The following ZNF488 variants were observed in gnomAD, a reference collection of about 807,000 sequenced individuals.
ZNF488 encodes zinc finger protein 488.
Under a neutral mutation model 1.2 loss-of-function variants are expected in ZNF488, and 1 was observed. The observed-to-expected ratio is 0.86, with a 90% CI of 0.30 to 4.07. The LOEUF is 4.07. ZNF488 is among the 30% of genes most tolerant of loss of function. The pLI is 0.18. For synonymous variants in ZNF488, 185 were observed against 190.1 expected (o/e 0.97, Z 0.22); for missense variants, 450 against 437.9 (o/e 1.03, Z -0.25).
rs1837283224 is a variant in ZNF488, at chr10:47,367,986, G to C, written c.844C>G (p.Leu282Val). The change falls in exon 2 of 2, where the codon CTG (leucine) becomes GTG (valine). Residue 282 changes from leucine (L) to valine (V), a missense_variant. Physicochemically the swap from Leu to Val is conservative, Grantham distance 32. Coordinates refer to ENST00000585316, the MANE Select transcript of ZNF488 (RefSeq NM_153034.4). Reference sequence around the variant, plus strand: ...AGGTCGGACGTTAGGCGAAAGGACAGGTTGCACTTTGCACACCAGTTCTGG... The same window carrying C: ...AGGTCGGACGTTAGGCGAAAGGACACGTTGCACTTTGCACACCAGTTCTGG... ...STQNWCAKCNLSFRLTSDLVF... is the reference protein window; with the variant it reads ...STQNWCAKCNVSFRLTSDLVF... 2 of 1,614,066 alleles carry C rather than the reference G, an allele frequency of 1.2e-6. No homozygotes were observed. The highest frequency in any genetic ancestry group is 1.1e-5 in the South Asian group (1 of 91,084).
chr10:47,382,705 T>A (rs1197652788), intron 1 of ZNF488, among the ~76,000 whole-genome samples: 3 of 152,210 alleles, frequency 2.0e-5, no homozygotes, highest in African/African-American at 7.2e-5. Context: ...ATATGCAAAT[T>A]CTTTCACTGA....
intron 1 of ZNF488, among the ~76,000 whole-genome samples, chr10:47,375,516 A>C (rs1232071629): frequency 6.6e-6 from 1 of 152,210 alleles, no homozygotes. Context: ...ATGGAAAAAA[A>C]TTGTCAATAA....
At chr10:47,372,819 C>G (rs925586452) in intron 1 of ZNF488, among the ~76,000 whole-genome samples, 4 of 152,328 alleles carry the variant, frequency 2.6e-5, no homozygotes, top group South Asian at 4.1e-4. Flanking sequence ...TGAGATGCCA[C>G]GCACCTGGCC....
At chr10:47,375,846 G>T (rs1837657605) in intron 1 of ZNF488, among the ~76,000 whole-genome samples, 1 of 152,162 alleles carries the variant, frequency 6.6e-6, no homozygotes, top group Admixed American at 6.5e-5. Context: ...TAATCAGAGA[G>T]ACCCTCCTGG....
At chr10:47,371,117 T>A (rs1837451789) in intron 1 of ZNF488, among the ~76,000 whole-genome samples, 1 of 152,156 alleles carries the variant, frequency 6.6e-6, no homozygotes, top group Non-Finnish European at 1.5e-5. Context: ...GAAGCTTGCA[T>A]GGGGCCTGTG....
At chr10:47,382,710 C>A (rs1264658895) in intron 1 of ZNF488, among the ~76,000 whole-genome samples, 3 of 152,202 alleles carry the variant, frequency 2.0e-5, no homozygotes, top group African/African-American at 7.2e-5. Flanking sequence ...CAAATTCTTT[C>A]ACTGAACACA....
At chr10:47,384,105 A>G (rs1555215864) in intron 1 of ZNF488, 115 bp downstream of exon 1, 1 of 152,502 alleles carries the variant, frequency 6.6e-6, no homozygotes, top group African/African-American at 2.4e-5. Flanking sequence ...CCCCACAGTC[A>G]AAGGCAGGAC....
chr10:47,381,232 CCCCA>C (rs1555215336), intron 1 of ZNF488, among the ~76,000 whole-genome samples: 1 of 152,176 alleles, frequency 6.6e-6, no homozygotes, highest in Non-Finnish European at 1.5e-5. Flanking sequence ...CACCATGTAC[CCCCA>C]CCCGCTCCCC....
chr10:47,376,230 T>C (rs1205480645), intron 1 of ZNF488, among the ~76,000 whole-genome samples: 1 of 152,120 alleles, frequency 6.6e-6, no homozygotes, highest in Non-Finnish European at 1.5e-5. Flanking sequence ...CTGAGGAATG[T>C]CCCATTGAGG....
chr10:47,368,686 C>T lies in ZNF488; in HGVS notation c.144G>A (p.Val48=). 1 of 1,612,638 alleles carries T rather than the reference C, an allele frequency of 6.2e-7. No homozygotes were observed. Among genetic ancestry groups the T allele is most frequent in the South Asian group, 1.1e-5 (1 of 91,080 alleles). ...EPELGRGCKP[V]LLEKTNRLGP... ...CCAGGCGGTTCGTCTTCTCGAGCAG[C>T]ACTGGCTTGCAGCCCCGGCCCAGCT... The change falls in exon 2 of 2, where the codon GTG becomes GTA. Residue 48 remains valine, a synonymous_variant. Coordinates refer to ENST00000585316, the MANE Select transcript of ZNF488 (RefSeq NM_153034.4).
At position 47,367,730 on chromosome 10, in the gene ZNF488, C is replaced by A. The variant is rs1555213013; in HGVS notation, c.*77G>T. ...GCTCTGCAAAGGACCATGACAGCCC[C>A]CTCAACGCAGGCCCAGGGAGCCCCC... On this transcript the variant is annotated 3_prime_UTR_variant, in exon 2 of 2. Coordinates refer to ENST00000585316, the MANE Select transcript of ZNF488 (RefSeq NM_153034.4). 6.0e-6 allele frequency: 9 copies of A among 1,500,144 alleles called. No homozygotes were observed. The highest frequency in any genetic ancestry group is 1.4e-5 in the African/African-American group (1 of 71,494). 92.9% of individuals were successfully genotyped at this position (1,500,144 alleles called of 1,614,324 possible).
chr10:47,373,275 C>T (rs1322984993), intron 1 of ZNF488, among the ~76,000 whole-genome samples: 2 of 152,158 alleles, frequency 1.3e-5, no homozygotes, highest in African/African-American at 2.4e-5. Context: ...GTAATTACAA[C>T]AAAAATGTCC....
At chr10:47,372,770 A>G (rs782074608) in intron 1 of ZNF488, among the ~76,000 whole-genome samples, 3 of 152,208 alleles carry the variant, frequency 2.0e-5, no homozygotes, top group Non-Finnish European at 4.4e-5. Context: ...CAAAGACATC[A>G]GGAGAGCACC....
At chr10:47,376,647 C>T (rs1398057639) in intron 1 of ZNF488, among the ~76,000 whole-genome samples, 1 of 152,162 alleles carries the variant, frequency 6.6e-6, no homozygotes. Flanking sequence ...TCTCCCCCAG[C>T]CCTAGCACAA....
In ZNF488 at chr10:47,367,488, G is replaced by T. The variant is rs1301616276; in HGVS notation, c.*319C>A. 5.2e-6 allele frequency: 2 copies of T among 383,156 alleles called. No homozygotes were observed. The highest frequency in any genetic ancestry group is 4.9e-6 in the Non-Finnish European group (1 of 204,850). The allele number at this position is 383,156 out of a possible 1,614,324, so 23.7% of individuals were successfully genotyped here. On this transcript the variant is annotated 3_prime_UTR_variant, in exon 2 of 2. Transcript: ENST00000585316. ...TTGTCCAGGGTCACAGCTAGTATGTGAAAGAGCCCAGATTCGAATCCAGGC... is the reference window on the plus strand; with the variant it reads ...TTGTCCAGGGTCACAGCTAGTATGTTAAAGAGCCCAGATTCGAATCCAGGC...
At chr10:47,383,672 T>C (rs972925684) in intron 1 of ZNF488, among the ~76,000 whole-genome samples, 5 of 152,234 alleles carry the variant, frequency 3.3e-5, no homozygotes, top group Non-Finnish European at 7.3e-5. Flanking sequence ...ACAGGATACA[T>C]GTCCAGATCT....
intron 1 of ZNF488, among the ~76,000 whole-genome samples, chr10:47,371,844 G>A (rs1245293860): frequency 6.6e-6 from 1 of 152,090 alleles, no homozygotes; most frequent in African/African-American, 2.4e-5. Context: ...GGAGTGCTCT[G>A]GCTGGAGTTT....
intron 1 of ZNF488, among the ~76,000 whole-genome samples, chr10:47,374,201 G>A (rs534237168): frequency 6.6e-5 from 10 of 152,300 alleles, no homozygotes; most frequent in South Asian, 2.1e-4. Flanking sequence ...ACTATAAGGC[G>A]CCGAGTGACA....
chr10:47,368,518 C>T lies in ZNF488; in HGVS notation c.312G>A (p.Glu104=). The change falls in exon 2 of 2, where the codon GAG becomes GAA. Residue 104 remains glutamate (E), a synonymous_variant. Transcript: ENST00000585316. ...CCTGCCGGTCCTTCATCCTCGGCAGCTCCGTGAAGGCGCTCTGCCTCTGCT... is the reference window on the plus strand; with the variant it reads ...CCTGCCGGTCCTTCATCCTCGGCAGTTCCGTGAAGGCGCTCTGCCTCTGCT... ...RGEQRQSAFT[E]LPRMKDRQVD... 6.2e-7 allele frequency: 1 copy of T among 1,613,738 alleles called. No individual in the cohort carries two copies. The highest frequency in any genetic ancestry group is 8.5e-7 in the Non-Finnish European group (1 of 1,179,966).
Sources: gnomAD v4.1 joint callset for allele counts (sites outside exome capture counted in the v4.1 genomes callset) on GRCh38, gnomAD v4.1.1 for gene constraint, MANE v1.5 for transcripts, NCBI Gene and HGNC (gene_info 2026-07-23, HGNC 2026-07-21) for gene names.